MRPL24: variants seen among roughly 807,000 people sequenced by gnomAD.
MRPL24 encodes the protein large ribosomal subunit protein uL24m.
In MRPL24, 15 loss-of-function variants were observed where a neutral mutation model predicts 26.9. That is an observed-to-expected ratio of 0.56 (90% CI 0.37 to 0.86). The LOEUF is 0.86. MRPL24 is among the 40% of genes least tolerant of loss of function. The pLI is 0.00. For synonymous variants in MRPL24, 92 were observed against 102.4 expected, an observed-to-expected ratio of 0.90 and a Z score of 0.62; for missense variants, 241 against 281.4, an observed-to-expected ratio of 0.86 and a Z score of 1.03.
In MRPL24 at chr1:156,738,777, A is replaced by G; in HGVS notation, c.-60-13T>C. 2.1e-6 allele frequency: 3 copies of G among 1,427,634 alleles called. No individual in the cohort carries two copies. Among genetic ancestry groups the G allele is most frequent in the Non-Finnish European group, 2.8e-6 (3 of 1,056,580 alleles). 88.4% of individuals were successfully genotyped at this position (1,427,634 alleles called of 1,614,324 possible). A position where few individuals can be genotyped will look rare whatever the true frequency, so the allele number is the denominator to read the frequency against. On this transcript the variant is annotated splice_polypyrimidine_tract_variant and intron_variant, in intron 1 of 5. Coordinates refer to ENST00000361531, the MANE Select transcript of MRPL24 (RefSeq NM_145729.3). ...TTCCTTGTCAGCTCTGGGCAGATGG[A>G]TAGAAACGGGAACAAAGAGGCAAGG...
rs6682274 is a variant in MRPL24 at position 156,739,142 on chromosome 1, G to T, written c.-60-378C>A. 3.0e-3 allele frequency among the ~76,000 whole-genome samples: 460 copies of T among 152,310 alleles called. 3 individuals are homozygous for T. The highest frequency in any genetic ancestry group is 9.6e-3 in the African/African-American group (399 of 41,560). On this transcript the variant is annotated intron_variant, in intron 1 of 5. Coordinates refer to ENST00000361531, the MANE Select transcript of MRPL24 (RefSeq NM_145729.3). The stretch of plus-strand genomic sequence containing the variant: ...TGGAACGCTGGCATACGGCCAAAAG[G>T]TAGGCAGTTGTAAATCAGTGAAATG...
intron 1 of MRPL24, among the ~76,000 whole-genome samples, chr1:156,739,607 G>A (rs1650008793): frequency 6.6e-6 from 1 of 151,292 alleles, no homozygotes; most frequent in African/African-American, 2.4e-5. Flanking sequence ...GACCACCTGG[G>A]TTCTACTCCC....
At chr1:156,742,299 T>G (rs1650177253), upstream of MRPL24, 1 of 152,574 alleles carries the variant, frequency 6.6e-6, no homozygotes, top group Non-Finnish European at 1.5e-5. Context: ...TATTTCTCTC[T>G]GTCCTCTCAG....
At position 156,737,485 on chromosome 1, in the gene MRPL24, C is replaced by T. The variant is rs1649907544; in HGVS notation, c.564G>A (p.Val188=). 5 of 1,611,888 alleles carry T rather than the reference C, an allele frequency of 3.1e-6. No individual in the cohort carries two copies. The highest frequency in any genetic ancestry group is 4.2e-6 in the Non-Finnish European group (5 of 1,179,142). Residue 188 remains valine (V), a synonymous_variant, in exon 6 of 6, where the codon GTG becomes GTA. Coordinates refer to ENST00000361531, the MANE Select transcript of MRPL24 (RefSeq NM_145729.3). ...SVEDALERTY[V]PCLKTLQEEV... is the part of the protein sequence containing the mutation. ...CCTCCTGCAGTGTCTTTAGACAGGG[C>T]ACATAGGTTCTTTCTAAAGCATCTT... is the stretch of plus-strand genomic sequence containing the variant.
chr1:156,739,640 A>G (rs1051492603), intron 1 of MRPL24, among the ~76,000 whole-genome samples: 34 of 151,446 alleles, frequency 2.2e-4, no homozygotes, highest in African/African-American at 8.0e-4. Context: ...ATCTTACTGT[A>G]TGACGCTAGG....
At position 156,738,707 on chromosome 1, in the gene MRPL24, C is replaced by A; in HGVS notation, c.-3G>T. 1 of 1,574,502 alleles carries A rather than the reference C, an allele frequency of 6.4e-7. No homozygotes were observed. Among genetic ancestry groups the A allele is most frequent in the Non-Finnish European group, 8.6e-7 (1 of 1,166,320 alleles). On this transcript the variant is annotated 5_prime_UTR_variant, in exon 2 of 6. It adds an upstream start codon to the 5' untranslated region. Coordinates refer to ENST00000361531, the MANE Select transcript of MRPL24 (RefSeq NM_145729.3). The stretch of plus-strand genomic sequence containing the variant: ...GCCAGCAGGGCAGAAAGACGCATGC[C>A]TGGAGGTTGTAAGAAATCCCTTTGC...
At chr1:156,739,094 C>T (rs1649995623) in intron 1 of MRPL24, among the ~76,000 whole-genome samples, 1 of 152,150 alleles carries the variant, frequency 6.6e-6, no homozygotes, top group Admixed American at 6.5e-5. Context: ...GTATGAACAG[C>T]AGGATAGGAA....
At chr1:156,737,904 C>G (rs921312132) in intron 4 of MRPL24, 127 bp downstream of exon 4, 1 of 1,460,480 alleles carries the variant, frequency 6.8e-7, no homozygotes, top group South Asian at 1.2e-5. Flanking sequence ...TGGGGTTACC[C>G]GCAGGGAATC....
chr1:156,738,495 A>ACT (rs1383362925), intron 2 of MRPL24, 27 bp downstream of exon 2: 3 of 1,613,746 alleles, frequency 1.9e-6, no homozygotes, highest in Non-Finnish European at 2.5e-6. Context: ...GTTCCCCATC[A>ACT]CTCTACCCCC....
In MRPL24 at chr1:156,737,334, A is replaced by G. The variant is rs1251963010; in HGVS notation, c.*64T>C. On this transcript the variant is annotated 3_prime_UTR_variant, in exon 6 of 6. Transcript: ENST00000361531. The stretch of plus-strand genomic sequence containing the variant: ...TAAAGTGCTCTTTATTGGCATCTGA[A>G]AAAGAAGTGCCTCAGCCTTCAAGGC... 1 of 1,478,446 alleles carries G rather than the reference A, an allele frequency of 6.8e-7. No homozygotes were observed. Among genetic ancestry groups the G allele is most frequent in the Non-Finnish European group, 9.0e-7 (1 of 1,106,956 alleles). The allele number at this position is 1,478,446 out of a possible 1,614,324, so 91.6% of individuals were successfully genotyped here. A position where few individuals can be genotyped will look rare whatever the true frequency, so the allele number is the denominator to read the frequency against.
Position 156,738,194 on chromosome 1 carries a change from C to A in MRPL24, c.280-60G>T, listed in dbSNP as rs1355032597. ...GTGTGAAAGGGGTTTGCCCTTGCTA[C>A]TCGGCGCATTCAGCCCAAGTTGAAA... On this transcript the variant is annotated intron_variant, in intron 3 of 5. Transcript: ENST00000361531. The A allele has an allele frequency of 8.2e-6, 13 of 1,581,918 alleles. No individual in the cohort carries two copies. In the East Asian group the frequency reaches 2.7e-4, roughly 33 times the overall value.
chr1:156,739,252 C>G (rs1372070622), intron 1 of MRPL24, among the ~76,000 whole-genome samples: 1 of 152,164 alleles, frequency 6.6e-6, no homozygotes, highest in Non-Finnish European at 1.5e-5. Flanking sequence ...GAAATAACCA[C>G]TCCTCCCTAA....
At position 156,738,654 on chromosome 1, in the gene MRPL24, G is replaced by A. The variant is rs768321061; in HGVS notation, c.51C>T (p.Pro17=). The change falls in exon 2 of 6, where the codon CCC becomes CCT. Residue 17 remains proline (P), a synonymous_variant. Transcript: ENST00000361531. ...LALASKVTLP[P]HYRYGMSPPG... is the part of the protein sequence containing the mutation. ...GGGGGCTCATCCCATAGCGGTAATG[G>A]GGGGGCAGAGTGACCTTGGATGCCA... 1.9e-6 allele frequency: 3 copies of A among 1,600,150 alleles called. No homozygotes were observed. In the South Asian group the frequency reaches 3.4e-5, roughly 18 times the overall value.
Position 156,737,493 on chromosome 1 carries a change from T to G in MRPL24, c.556A>C (p.Thr186Pro). 1 of 1,611,662 alleles carries G rather than the reference T, an allele frequency of 6.2e-7. No individual in the cohort carries two copies. Among genetic ancestry groups the G allele is most frequent in the Non-Finnish European group, 8.5e-7 (1 of 1,178,958 alleles). The change falls in exon 6 of 6, where the codon ACC becomes CCC. Residue 186 changes from threonine (T) to proline (P), a missense_variant. Coordinates refer to ENST00000361531, the MANE Select transcript of MRPL24 (RefSeq NM_145729.3). ...AGTGTCTTTAGACAGGGCACATAGG[T>G]TCTTTCTAAAGCATCTTCCACTGAT... ...DTSVEDALER[T>P]YVPCLKTLQE...
rs764514222 is a variant in MRPL24, at chr1:156,738,102, G to A, written c.312C>T (p.Tyr104=). The change falls in exon 4 of 6, where the codon TAC becomes TAT. Residue 104 remains tyrosine (Y), a synonymous_variant. Coordinates refer to ENST00000361531, the MANE Select transcript of MRPL24 (RefSeq NM_145729.3). The part of the protein sequence containing the change: ...HYRYIGKTMD[Y]RGTMIPSEAP... ...CTTCACTAGGGATCATGGTTCCCCG[G>A]TAATCCATGGTCTTGCCAATGTAGC... 6.2e-7 allele frequency: 1 copy of A among 1,614,160 alleles called. No homozygotes were observed.
At chr1:156,737,875 C>T (rs1054792023) in intron 4 of MRPL24, 99 bp from the exon 5 acceptor site, 34 of 1,525,646 alleles carry the variant, frequency 2.2e-5, no homozygotes, top group Middle Eastern at 2.1e-4. Flanking sequence ...GTTACCACCG[C>T]GTTTCTCCAC....
intron 1 of MRPL24, chr1:156,740,677 C>T (rs1313556862): frequency 6.6e-6 from 1 of 152,230 alleles, no homozygotes; most frequent in Non-Finnish European, 1.5e-5. Flanking sequence ...AGCCCCTTCA[C>T]CTCAGTCAAT....
rs183649551 is a variant in MRPL24, at chr1:156,738,880, C to T, written c.-60-116G>A. 3.4e-4 allele frequency: 194 copies of T among 572,086 alleles called. 1 individual carries two copies. The highest frequency in any genetic ancestry group is 3.4e-3 in the African/African-American group (174 of 51,848). The allele number at this position is 572,086 out of a possible 1,614,324, so 35.4% of individuals were successfully genotyped here. The stretch of plus-strand genomic sequence containing the variant: ...TTGAATCCTCACAAGAGGTTATCAT[C>T]TTTATAGATGAGAAAATAGAAAGGT... On this transcript the variant is annotated intron_variant, in intron 1 of 5. Coordinates refer to ENST00000361531, the MANE Select transcript of MRPL24 (RefSeq NM_145729.3).
intron 1 of MRPL24, among the ~76,000 whole-genome samples, chr1:156,739,650 G>A (rs972534097): frequency 1.3e-5 from 2 of 151,056 alleles, no homozygotes; most frequent in Non-Finnish European, 2.9e-5. Flanking sequence ...ATGACGCTAG[G>A]CAACTTAACT....
Sources: allele counts gnomAD v4.1 joint callset (sites outside exome capture counted in the v4.1 genomes callset), GRCh38; gene constraint gnomAD v4.1.1; transcripts MANE v1.5; gene names NCBI Gene and HGNC (gene_info 2026-07-23, HGNC 2026-07-21).